EPB41L3: variants seen among roughly 807,000 people sequenced by gnomAD.
The protein encoded by EPB41L3 is band 4.1-like protein 3.
A neutral mutation model predicts 127.1 loss-of-function variants in EPB41L3; 57 were observed. That is an observed-to-expected ratio of 0.45 (90% CI 0.36 to 0.56). EPB41L3 has a LOEUF of 0.56. Ranked by LOEUF, EPB41L3 falls within the 20% of genes least tolerant of loss-of-function variation. The pLI is 0.00. For missense variants in EPB41L3, 1,273 were observed against 1,372.2 expected, an observed-to-expected ratio of 0.93 and a Z score of 1.14; for synonymous variants, 572 against 549.5, an observed-to-expected ratio of 1.04 and a Z score of -0.57.
chr18:5,484,448 G>A (rs1174434870), intron 2 of EPB41L3, among the ~76,000 whole-genome samples: 2 of 151,198 alleles, frequency 1.3e-5, no homozygotes, highest in Non-Finnish European at 3.0e-5. Context: ...AGAAAAGCAG[G>A]AATGAACCAA....
intron 14 of EPB41L3, among the ~76,000 whole-genome samples, chr18:5,410,217 TAA>T (rs113223592): frequency 7.0e-6 from 1 of 143,012 alleles, no homozygotes. Flanking sequence ...AATTTTTTTC[TAA>T]AAAAAAAAAA....
chr18:5,544,131 C>T (rs1157989883), upstream of EPB41L3: 1 of 985,400 alleles, frequency 1.0e-6, no homozygotes, highest in African/African-American at 1.7e-5. Flanking sequence ...AAGCCAACCT[C>T]GTCCTGCCTG....
At chr18:5,524,326 T>C (rs1023393906) in intron 1 of EPB41L3, among the ~76,000 whole-genome samples, 1 of 152,160 alleles carries the variant, frequency 6.6e-6, no homozygotes, top group African/African-American at 2.4e-5. Context: ...CCCAAGTAGC[T>C]GGGATTACAG....
chr18:5,458,628 C>T (rs535642179), intron 3 of EPB41L3, among the ~76,000 whole-genome samples: 9 of 152,080 alleles, frequency 5.9e-5, no homozygotes, highest in African/African-American at 1.2e-4. Context: ...AATATTCTCT[C>T]GCCCTATCTA....
chr18:5,474,811 G>T (rs1021993545), intron 3 of EPB41L3, among the ~76,000 whole-genome samples: 1 of 152,090 alleles, frequency 6.6e-6, no homozygotes, highest in Non-Finnish European at 1.5e-5. Context: ...TAGTAGGAAG[G>T]GGCATTGGAT....
chr18:5,393,648 C>G, intron 22 of EPB41L3, 170 bp from the exon 23 acceptor site: 1 of 490,680 alleles, frequency 2.0e-6, no homozygotes, highest in Non-Finnish European at 3.6e-6. Context: ...TAAGTAATTA[C>G]AACAACGCCC....
chr18:5,445,505 A>G (rs1233129245), intron 3 of EPB41L3, among the ~76,000 whole-genome samples: 2 of 152,260 alleles, frequency 1.3e-5, no homozygotes, highest in Non-Finnish European at 2.9e-5. Context: ...TAGTATGTAC[A>G]GGTGACCAGT....
chr18:5,630,530 C>G (rs1222921849), upstream of EPB41L3: 1 of 517,818 alleles, frequency 1.9e-6, no homozygotes, highest in Non-Finnish European at 3.9e-6. Flanking sequence ...TCGAATTCTC[C>G]GGGGTCCAGT....
chr18:5,510,594 T>C (rs2092462127), intron 1 of EPB41L3, among the ~76,000 whole-genome samples: 1 of 152,210 alleles, frequency 6.6e-6, no homozygotes, highest in South Asian at 2.1e-4. Flanking sequence ...TGTGTGGCTT[T>C]ATTTCTGGAC....
chr18:5,446,363 A>G (rs1186679659), intron 3 of EPB41L3, among the ~76,000 whole-genome samples: 1 of 152,262 alleles, frequency 6.6e-6, no homozygotes, highest in Non-Finnish European at 1.5e-5. Context: ...AAAATTCATC[A>G]GCTTAATTTA....
At chr18:5,544,110 C>G, upstream of EPB41L3, 3 of 985,594 alleles carry the variant, frequency 3.0e-6, no homozygotes, top group Non-Finnish European at 3.6e-6. Context: ...CGCCCAGAGA[C>G]CGTGCGAGGA....
chr18:5,394,926 A>G, intron 21 of EPB41L3, 133 bp from the exon 22 acceptor site: 1 of 1,185,038 alleles, frequency 8.4e-7, no homozygotes, highest in Non-Finnish European at 1.2e-6. Context: ...TACAAAAGGA[A>G]TCATAAATCA....
intron 1 of EPB41L3, among the ~76,000 whole-genome samples, chr18:5,539,010 T>TA (rs1285365357): frequency 6.6e-6 from 1 of 151,552 alleles, no homozygotes; most frequent in East Asian, 1.9e-4. Context: ...TTTTTTTTTT[T>TA]TTTTTTTTGG....
At chr18:5,424,888 T>C (rs966983062) in intron 9 of EPB41L3, among the ~76,000 whole-genome samples, 1 of 152,206 alleles carries the variant, frequency 6.6e-6, no homozygotes, top group East Asian at 1.9e-4. Context: ...TGTGTTCCGC[T>C]ATGGATTATC....
intron 14 of EPB41L3, among the ~76,000 whole-genome samples, chr18:5,408,273 C>CTTTTTTTTTTTTT (rs1208956534): frequency 2.8e-4 from 14 of 50,484 alleles, no homozygotes; most frequent in African/African-American, 3.3e-4. Context: ...TTTCTTTTTT[C>CTTTTTTTTTTTTT]TTTTTTTTTT....
chr18:5,397,525 G>T lies in EPB41L3; in HGVS notation c.2473-99C>A, dbSNP rs2143799423. The stretch of plus-strand genomic sequence containing the variant: ...CTCGCCAGGATGTCTAAAGCCAGCA[G>T]CAAGTGCTTATAACCAGAAACACTG... On this transcript the variant is annotated intron_variant, in intron 17 of 22. Coordinates refer to ENST00000341928, the MANE Select transcript of EPB41L3 (RefSeq NM_012307.5). This position sits in a 1 kb window ranked among gnomAD's most constrained non-coding sequence, Gnocchi z 4.1. The T allele has an allele frequency of 1.4e-6, 2 of 1,408,504 alleles. No homozygotes were observed. The highest frequency in any genetic ancestry group is 9.5e-7 in the Non-Finnish European group (1 of 1,050,094). The allele number at this position is 1,408,504 out of a possible 1,614,324, so 87.3% of individuals were successfully genotyped here. A position where few individuals can be genotyped will look rare whatever the true frequency, so the allele number is the denominator to read the frequency against.
intron 16 of EPB41L3, among the ~76,000 whole-genome samples, chr18:5,402,667 T>C (rs2074697520): frequency 6.6e-6 from 1 of 152,128 alleles, no homozygotes; most frequent in South Asian, 2.1e-4. Flanking sequence ...GAGGTACTGA[T>C]AAAGAAAAGG....
intron 3 of EPB41L3, among the ~76,000 whole-genome samples, chr18:5,446,428 G>A (rs1568213484): frequency 6.6e-6 from 1 of 152,144 alleles, no homozygotes; most frequent in East Asian, 1.9e-4. Flanking sequence ...ACATAGTCAT[G>A]AAGTCTGTGA....
intron 1 of EPB41L3, among the ~76,000 whole-genome samples, chr18:5,511,809 A>C (rs564023680): frequency 9.9e-5 from 15 of 152,274 alleles, no homozygotes; most frequent in African/African-American, 3.6e-4. Context: ...TTCCAGACGC[A>C]TACAGACAGA....
Sources: gnomAD v4.1 joint callset for allele counts (sites outside exome capture counted in the v4.1 genomes callset) on GRCh38, gnomAD v4.1.1 for gene constraint, Gnocchi (gnomAD v3.1) non-coding constraint, MANE v1.5 for transcripts, NCBI Gene and HGNC (gene_info 2026-07-23, HGNC 2026-07-21) for gene names.